Variants in ERBB4 observed in about 807,000 individuals in gnomAD.
ERBB4 encodes the protein receptor tyrosine-protein kinase erbB-4.
Under a neutral mutation model 158.0 loss-of-function variants are expected in ERBB4, and 42 were observed. That is an observed-to-expected ratio of 0.27 (90% CI 0.21 to 0.34). The LOEUF is 0.34. Ranked by LOEUF, ERBB4 falls within the 10% of genes least tolerant of loss-of-function variation. The probability of loss-of-function intolerance (pLI) is 1.00; values close to 1 mark genes in which losing one functional copy is unlikely to be tolerated. For synonymous variants in ERBB4, 583 were observed against 558.7 expected, an observed-to-expected ratio of 1.04 and a Z score of -0.61; for missense variants, 1,333 against 1,624.1, an observed-to-expected ratio of 0.82 and a Z score of 3.08.
At chr2:212,385,377 T>C (rs1400660953) in intron 1 of ERBB4, among the ~76,000 whole-genome samples, 1 of 151,816 alleles carries the variant, frequency 6.6e-6, no homozygotes, top group Non-Finnish European at 1.5e-5. Context: ...ATGTTGAATG[T>C]ACTCCTCACT....
chr2:211,585,863 A>G (rs2068259289), intron 19 of ERBB4, among the ~76,000 whole-genome samples: 1 of 152,312 alleles, frequency 6.6e-6, no homozygotes, highest in Middle Eastern at 3.5e-3. Context: ...AATTAAAGCC[A>G]ACACTCAGCT....
intron 3 of ERBB4, among the ~76,000 whole-genome samples, chr2:211,842,296 T>G (rs1043517983): frequency 1.3e-5 from 2 of 151,916 alleles, no homozygotes; most frequent in Admixed American, 1.3e-4. Context: ...ATAAAGGGGT[T>G]GATATTAGCA....
At chr2:212,112,208 G>T (rs974085091) in intron 2 of ERBB4, among the ~76,000 whole-genome samples, 5 of 151,974 alleles carry the variant, frequency 3.3e-5, no homozygotes, top group Middle Eastern at 3.2e-3. Flanking sequence ...TTGCTGCCCA[G>T]GCTGATCTCA....
At chr2:212,217,184 T>C (rs1252235294) in intron 1 of ERBB4, among the ~76,000 whole-genome samples, 3 of 151,384 alleles carry the variant, frequency 2.0e-5, no homozygotes, top group Non-Finnish European at 4.4e-5. Context: ...AATGGATACT[T>C]GCTCTATTTT....
chr2:212,475,846 A>G (rs1689360505), intron 1 of ERBB4, among the ~76,000 whole-genome samples: 1 of 152,090 alleles, frequency 6.6e-6, no homozygotes, highest in African/African-American at 2.4e-5. Flanking sequence ...CAGTTTTGGT[A>G]TCTATCCACT....
intron 20 of ERBB4, among the ~76,000 whole-genome samples, chr2:211,474,120 T>C (rs1574560118): frequency 6.6e-6 from 1 of 152,084 alleles, no homozygotes; most frequent in South Asian, 2.1e-4. Context: ...ATTTGGCCAC[T>C]TGTGTAAGAT....
chr2:211,509,021 A>T (rs1318278445), intron 20 of ERBB4, among the ~76,000 whole-genome samples: 1 of 152,182 alleles, frequency 6.6e-6, no homozygotes, highest in Non-Finnish European at 1.5e-5. Context: ...GAATGGGTTC[A>T]TGTCCTTTGC....
chr2:212,225,183 T>C (rs1000879813), intron 1 of ERBB4, among the ~76,000 whole-genome samples: 2 of 152,054 alleles, frequency 1.3e-5, no homozygotes, highest in Admixed American at 6.6e-5. Context: ...TTTTTACAGC[T>C]TCTCTGCTTA....
intron 4 of ERBB4, among the ~76,000 whole-genome samples, chr2:211,757,630 G>C (rs548525650): frequency 6.6e-6 from 1 of 152,196 alleles, no homozygotes; most frequent in East Asian, 1.9e-4. Context: ...CCTCCCTCAG[G>C]GGCTCAACTC....
At chr2:211,773,335 G>GTACTTATA (rs1575125069) in intron 4 of ERBB4, among the ~76,000 whole-genome samples, 2 of 151,470 alleles carry the variant, frequency 1.3e-5, no homozygotes, top group East Asian at 3.9e-4. Context: ...GTATGTATGT[G>GTACTTATA]TGTATGTATA....
At chr2:212,058,617 A>G (rs144750383) in intron 2 of ERBB4, among the ~76,000 whole-genome samples, 1,538 of 152,250 alleles carry the variant, frequency 0.01, 32 homozygotes, top group African/African-American at 0.035. Flanking sequence ...TCATCCCTGG[A>G]ATGCAAGGCT....
chr2:211,433,181 A>G (rs943058435), intron 20 of ERBB4, among the ~76,000 whole-genome samples: 1 of 152,250 alleles, frequency 6.6e-6, no homozygotes, highest in Non-Finnish European at 1.5e-5. Context: ...AACTGAAAAC[A>G]AAAGAAGAGG....
intron 3 of ERBB4, among the ~76,000 whole-genome samples, chr2:211,843,099 T>C (rs1027202746): frequency 5.3e-5 from 8 of 152,200 alleles, no homozygotes; most frequent in Non-Finnish European, 1.0e-4. Context: ...AGTTCTATGT[T>C]AGTTTGAGAC....
intron 27 of ERBB4, 101 bp downstream of exon 27, chr2:211,386,752 G>T: frequency 8.8e-7 from 1 of 1,138,710 alleles, no homozygotes; most frequent in Non-Finnish European, 1.3e-6. Context: ...GATCACAAAT[G>T]TTGTGCTGGT....
chr2:211,633,235 T>C (rs1347661025), intron 16 of ERBB4, among the ~76,000 whole-genome samples: 7 of 152,104 alleles, frequency 4.6e-5, no homozygotes, highest in Non-Finnish European at 1.0e-4. Flanking sequence ...ACTTGAAAGA[T>C]CTAAATATAA....
intron 2 of ERBB4, among the ~76,000 whole-genome samples, chr2:212,084,007 C>CA (rs2078527252): frequency 6.6e-6 from 1 of 150,964 alleles, no homozygotes. Flanking sequence ...CTCATGAGTG[C>CA]AGTTGAAGTG....
chr2:211,831,177 T>C (rs2077210330), intron 3 of ERBB4, among the ~76,000 whole-genome samples: 1 of 152,168 alleles, frequency 6.6e-6, no homozygotes. Flanking sequence ...ATGTTTCAGT[T>C]CTTGTAAGAC....
At chr2:212,344,481 T>TGC (rs1342101355) in intron 1 of ERBB4, among the ~76,000 whole-genome samples, 5 of 146,416 alleles carry the variant, frequency 3.4e-5, no homozygotes, top group African/African-American at 1.4e-4. Context: ...TATATATGTG[T>TGC]GTGTGTGTGT....
rs77419132 is a variant in ERBB4, at chr2:211,574,616, G to A, written c.2302-12528C>T. Among the ~76,000 whole-genome samples, 31 of 152,238 alleles carry A rather than the reference G, an allele frequency of 2.0e-4. 1 individual carries two copies. The East Asian group carries it at 6.0e-3, about 29-fold the overall frequency. On this transcript the variant is annotated intron_variant, in intron 19 of 27. Transcript: ENST00000342788. Reference sequence around the variant, plus strand: ...AAAAATTCTTAGCAAGCTCCAACATGGAGTTTCTCATGAAGAGGATACTGT... The same window carrying A: ...AAAAATTCTTAGCAAGCTCCAACATAGAGTTTCTCATGAAGAGGATACTGT...
Sources: allele counts gnomAD v4.1 joint callset (sites outside exome capture counted in the v4.1 genomes callset), GRCh38; gene constraint gnomAD v4.1.1; transcripts MANE v1.5; gene names NCBI Gene and HGNC (gene_info 2026-07-23, HGNC 2026-07-21).